The following TMTC1 variants were observed in gnomAD, a reference collection of about 807,000 sequenced individuals.
TMTC1 encodes the protein protein O-mannosyl-transferase TMTC1.
Under a neutral mutation model 104.8 loss-of-function variants are expected in TMTC1, and 73 were observed. The ratio of observed to expected loss-of-function variants is 0.70; its 90% CI spans 0.58 to 0.85. The LOEUF is 0.85. Ranked by LOEUF, TMTC1 falls within the 40% of genes least tolerant of loss-of-function variation. The pLI, the probability that TMTC1 is intolerant of heterozygous loss-of-function variation, is 0.00. For synonymous variants in TMTC1, 434 were observed against 428.7 expected (o/e 1.01, Z -0.15); for missense variants, 1,035 against 1,096.1 (o/e 0.94, Z 0.79).
At chr12:29,742,767 A>G (rs1179995122) in intron 5 of TMTC1, among the ~76,000 whole-genome samples, 1 of 152,204 alleles carries the variant, frequency 6.6e-6, no homozygotes, top group Non-Finnish European at 1.5e-5. Context: ...TGTTATCATA[A>G]GGATTCTATT....
chr12:29,572,283 GT>G, intron 8 of TMTC1, 65 bp from the exon 9 acceptor site: 1 of 1,295,864 alleles, frequency 7.7e-7, no homozygotes, highest in South Asian at 1.3e-5. Context: ...ATTCCTTTAT[GT>G]TTTACTCAGT....
chr12:29,502,791 G>A lies in TMTC1; in HGVS notation c.*4055C>T, dbSNP rs1048191699. 2.0e-5 allele frequency: 3 copies of A among 152,100 alleles called. No individual in the cohort carries two copies. The highest frequency in any genetic ancestry group is 4.4e-5 in the Non-Finnish European group (3 of 68,028). The allele number at this position is 152,100 out of a possible 1,614,324, so 9.4% of individuals were successfully genotyped here. On this transcript the variant is annotated 3_prime_UTR_variant, in exon 18 of 18. Coordinates refer to ENST00000539277, the MANE Select transcript of TMTC1 (RefSeq NM_001193451.2). ...CATTCCAGGTGTCAGCCCTGTAGTGGTTCTCCAGCCTAGCTGCACATAAGA... is the reference window on the plus strand; with the variant it reads ...CATTCCAGGTGTCAGCCCTGTAGTGATTCTCCAGCCTAGCTGCACATAAGA...
At chr12:29,580,777 T>C (rs1445636032) in intron 8 of TMTC1, among the ~76,000 whole-genome samples, 1 of 152,166 alleles carries the variant, frequency 6.6e-6, no homozygotes, top group Non-Finnish European at 1.5e-5. Flanking sequence ...ACAGCCTGAG[T>C]TGGTCTTAGT....
At chr12:29,636,522 T>C (rs1938558218) in intron 5 of TMTC1, among the ~76,000 whole-genome samples, 1 of 152,150 alleles carries the variant, frequency 6.6e-6, no homozygotes, top group South Asian at 2.1e-4. Context: ...GTTATTTACA[T>C]GTTACCAAAA....
intron 5 of TMTC1, among the ~76,000 whole-genome samples, chr12:29,670,944 G>GAAAGA (rs1940484131): frequency 9.6e-5 from 6 of 62,604 alleles, no homozygotes; most frequent in African/African-American, 3.1e-4. Flanking sequence ...CAAAAAAAAA[G>GAAAGA]AAAAAAAAGG....
chr12:29,684,093 C>T (rs1441191787), intron 5 of TMTC1, among the ~76,000 whole-genome samples: 1 of 152,218 alleles, frequency 6.6e-6, no homozygotes, highest in African/African-American at 2.4e-5. Context: ...ATCCGCCTGC[C>T]TTGGCTGACC....
chr12:29,506,949 G>T lies in TMTC1; in HGVS notation c.2546C>A (p.Ala849Asp). The T allele has an allele frequency of 1.9e-6, 3 of 1,613,754 alleles. No homozygotes were observed. The highest frequency in any genetic ancestry group is 2.5e-6 in the Non-Finnish European group (3 of 1,179,678). ...TTTGCTGTCTGGAACCAGCTGTAAGGCTCTCTCATAATAAGCTCTTGCAGA... is the reference window on the plus strand; with the variant it reads ...TTTGCTGTCTGGAACCAGCTGTAAGTCTCTCTCATAATAAGCTCTTGCAGA... Reference protein sequence around the residue: ...YVSARAYYERALQLVPDSKLL... With the variant: ...YVSARAYYERDLQLVPDSKLL... Residue 849 changes from alanine (A) to aspartate (D), a missense_variant, in exon 18 of 18, where the codon GCC becomes GAC. Physicochemically the swap from Ala to Asp is moderately radical, Grantham distance 126. Transcript: ENST00000539277.
intron 5 of TMTC1, among the ~76,000 whole-genome samples, chr12:29,662,511 G>A (rs369074198): frequency 1.3e-5 from 2 of 151,742 alleles, no homozygotes; most frequent in African/African-American, 2.4e-5. Flanking sequence ...TTAGCCAGGC[G>A]TGGTGGCAGA....
chr12:29,572,304 C>G (rs16934474), intron 8 of TMTC1, 86 bp from the exon 9 acceptor site: 106,225 of 1,156,588 alleles, frequency 0.092, 5,825 homozygotes, highest in African/African-American at 0.2. Flanking sequence ...TTTCATGAAC[C>G]TGTATTTGAA....
intron 8 of TMTC1, among the ~76,000 whole-genome samples, chr12:29,578,097 C>T (rs1313528341): frequency 6.6e-6 from 1 of 151,902 alleles, no homozygotes; most frequent in East Asian, 1.9e-4. Context: ...TTATGTCCCA[C>T]CCAAGGAATA....
intron 10 of TMTC1, among the ~76,000 whole-genome samples, 181 bp downstream of exon 10, chr12:29,556,676 T>C (rs1054270149): frequency 6.6e-6 from 1 of 152,192 alleles, no homozygotes; most frequent in African/African-American, 2.4e-5. Context: ...CTCTGGGAAA[T>C]ACAGCTTTTG....
chr12:29,551,424 A>C (rs1945099997), intron 10 of TMTC1, among the ~76,000 whole-genome samples: 1 of 152,228 alleles, frequency 6.6e-6, no homozygotes, highest in South Asian at 2.1e-4. Flanking sequence ...AGACTAAAGT[A>C]AATCAAATAT....
intron 5 of TMTC1, among the ~76,000 whole-genome samples, chr12:29,748,843 A>G (rs11050422): frequency 0.049 from 7,534 of 152,222 alleles, 233 homozygotes; most frequent in Middle Eastern, 0.13. Context: ...TAAAAATTCA[A>G]GTAAATAAAC....
intron 5 of TMTC1, among the ~76,000 whole-genome samples, chr12:29,718,396 G>A (rs188676218): frequency 5.9e-5 from 9 of 152,268 alleles, no homozygotes; most frequent in East Asian, 1.9e-4. Context: ...ACTGTAAAGC[G>A]AAGAGGAAAT....
intron 5 of TMTC1, among the ~76,000 whole-genome samples, chr12:29,683,171 G>A (rs997610072): frequency 2.0e-5 from 3 of 152,150 alleles, no homozygotes; most frequent in South Asian, 2.1e-4. Flanking sequence ...ATCTGCAGCT[G>A]GAGATGGTTA....
Position 29,517,537 on chromosome 12 carries a change from A to T in TMTC1, c.2059T>A (p.Ser687Thr), listed in dbSNP as rs1299845899. ...TTGTAATACAGTGCTCCCAAAGGTG[A>T]CAATATCTCAGCTTTGTGTGCCACC... is the stretch of plus-strand genomic sequence containing the variant. ...LQVAHKAEIL[S>T]PLGALYYNTG... Residue 687 changes from serine to threonine, a missense_variant, in exon 14 of 18, where the codon TCA becomes ACA. Physicochemically the swap from Ser to Thr is moderately conservative, Grantham distance 58 (BLOSUM62 1). Coordinates refer to ENST00000539277, the MANE Select transcript of TMTC1 (RefSeq NM_001193451.2). The T allele has an allele frequency of 6.2e-7, 1 of 1,614,020 alleles. No homozygotes were observed. The highest frequency in any genetic ancestry group is 8.5e-7 in the Non-Finnish European group (1 of 1,180,016).
chr12:29,754,612 G>A (rs1943171374), intron 4 of TMTC1, among the ~76,000 whole-genome samples: 1 of 152,160 alleles, frequency 6.6e-6, no homozygotes. Flanking sequence ...CTGGTCAGAG[G>A]ATACGGAGGA....
chr12:29,562,706 C>T (rs886670458), intron 9 of TMTC1, among the ~76,000 whole-genome samples: 1 of 152,152 alleles, frequency 6.6e-6, no homozygotes, highest in Non-Finnish European at 1.5e-5. Context: ...TCTTTAAAAA[C>T]GTAAGCTTAA....
At chr12:29,678,323 T>G (rs1277059233) in intron 5 of TMTC1, among the ~76,000 whole-genome samples, 1 of 152,232 alleles carries the variant, frequency 6.6e-6, no homozygotes, top group South Asian at 2.1e-4. Flanking sequence ...ACACAACTTC[T>G]CTGCTTTGCT....
Sources: allele counts gnomAD v4.1 joint callset (sites outside exome capture counted in the v4.1 genomes callset), GRCh38; gene constraint gnomAD v4.1.1; transcripts MANE v1.5; gene names NCBI Gene and HGNC (gene_info 2026-07-23, HGNC 2026-07-21).